DGKB: variants seen among roughly 807,000 people sequenced by gnomAD.
The protein encoded by DGKB is diacylglycerol kinase beta.
Under a neutral mutation model 114.3 loss-of-function variants are expected in DGKB, and 67 were observed. The observed-to-expected ratio is 0.59, with a 90% CI of 0.48 to 0.72. The LOEUF is 0.72. Ranked by LOEUF, DGKB falls within the 30% of genes least tolerant of loss-of-function variation. DGKB has a pLI of 0.00. For missense variants in DGKB, 907 were observed against 975.2 expected (o/e 0.93, Z 0.93); for synonymous variants, 398 against 323.1 (o/e 1.23, Z -2.49).
chr7:14,199,247 G>C (rs532049277), intron 23 of DGKB, among the ~76,000 whole-genome samples: 1 of 152,042 alleles, frequency 6.6e-6, no homozygotes, highest in Admixed American at 6.6e-5. Flanking sequence ...GAAAAATATT[G>C]GAAGTGAAGT....
At chr7:14,416,587 C>T (rs575482855) in intron 21 of DGKB, among the ~76,000 whole-genome samples, 1 of 152,014 alleles carries the variant, frequency 6.6e-6, no homozygotes, top group East Asian at 1.9e-4. Flanking sequence ...GTGGTTTCCC[C>T]CATACTGTTC....
chr7:14,313,999 G>A (rs1031765962), intron 23 of DGKB, among the ~76,000 whole-genome samples: 6 of 152,266 alleles, frequency 3.9e-5, no homozygotes, highest in African/African-American at 4.8e-5. Flanking sequence ...GTTTAACTGC[G>A]AGGCACCCTC....
intron 21 of DGKB, among the ~76,000 whole-genome samples, chr7:14,377,475 T>A (rs770290726): frequency 6.6e-6 from 1 of 152,258 alleles, no homozygotes; most frequent in Non-Finnish European, 1.5e-5. Flanking sequence ...ATTTAAAGTA[T>A]GGACTTTCTT....
upstream of DGKB, among the ~76,000 whole-genome samples, chr7:14,907,916 A>T (rs559794966): frequency 4.6e-5 from 7 of 152,344 alleles, no homozygotes; most frequent in African/African-American, 1.7e-4. Context: ...AGCTGGACAC[A>T]TAATTAAGGA....
chr7:14,892,860 A>ATG (rs374264568), intron 1 of DGKB, among the ~76,000 whole-genome samples: 13,455 of 64,150 alleles, frequency 0.21, 821 homozygotes, highest in Middle Eastern at 0.34. Flanking sequence ...TACCATATAT[A>ATG]TATATGTGTG....
At chr7:14,587,064 C>T (rs1800894377) in intron 17 of DGKB, among the ~76,000 whole-genome samples, 3 of 152,084 alleles carry the variant, frequency 2.0e-5, no homozygotes, top group Admixed American at 2.0e-4. Context: ...GTGCCACAGA[C>T]AGTGATTCAT....
At chr7:14,648,562 A>C (rs1436933375) in intron 13 of DGKB, among the ~76,000 whole-genome samples, 3 of 152,178 alleles carry the variant, frequency 2.0e-5, no homozygotes, top group African/African-American at 7.2e-5. Context: ...GAACAGGAAA[A>C]CTGGAAACTC....
At chr7:14,498,627 A>AT (rs892017743) in intron 20 of DGKB, among the ~76,000 whole-genome samples, 3 of 151,640 alleles carry the variant, frequency 2.0e-5, no homozygotes, top group Admixed American at 6.6e-5. Context: ...AATTTAGTTG[A>AT]TTTTTTTGCC....
intron 10 of DGKB, among the ~76,000 whole-genome samples, chr7:14,683,141 T>C (rs1350642862): frequency 2.0e-5 from 3 of 152,106 alleles, no homozygotes; most frequent in Non-Finnish European, 4.4e-5. Flanking sequence ...ATGACAAAAA[T>C]ATTAAAGACA....
At chr7:14,899,754 A>G (rs982838587) in intron 1 of DGKB, among the ~76,000 whole-genome samples, 5 of 152,082 alleles carry the variant, frequency 3.3e-5, no homozygotes. Context: ...GGTGGATCCA[A>G]TTTTGGGTAT....
At position 14,841,226 on chromosome 7, in the gene DGKB, G is replaced by C; in HGVS notation, c.38C>G (p.Ser13Trp). ...NQEKWAHLSP[S>W]EFSQLQKYAE... Reference sequence around the variant, plus strand: ...ATATTTCTGAAGTTGGGAAAATTCCGAAGGGCTGAGGTGGGCCCATTTTTC... The same window carrying C: ...ATATTTCTGAAGTTGGGAAAATTCCCAAGGGCTGAGGTGGGCCCATTTTTC... The change falls in exon 2 of 26, where the codon TCG (serine) becomes TGG (tryptophan). Residue 13 changes from serine to tryptophan, a missense_variant. Around this residue, in one of 3 missense-constraint regions of DGKB, gnomAD observed 814 missense variants for 856.6 expected, o/e 0.95. Coordinates refer to ENST00000402815, the MANE Select transcript of DGKB (RefSeq NM_001350709.2). The C allele has an allele frequency of 1.2e-6, 2 of 1,613,426 alleles. No homozygotes were observed. Among genetic ancestry groups the C allele is most frequent in the Non-Finnish European group, 1.7e-6 (2 of 1,179,678 alleles).
At position 14,800,644 on chromosome 7, in the gene DGKB, T is replaced by C. The variant is rs557714216; in HGVS notation, c.70+40550A>G. Reference sequence around the variant, plus strand: ...CTTAGTAAACTCACCTTTTTATATATGCTATGCTTGTCTAGAGGTTTGGTT... The same window carrying C: ...CTTAGTAAACTCACCTTTTTATATACGCTATGCTTGTCTAGAGGTTTGGTT... On this transcript the variant is annotated intron_variant, in intron 2 of 25. Transcript: ENST00000402815. Among the ~76,000 whole-genome samples, 3 of 152,296 alleles carry C rather than the reference T, an allele frequency of 2.0e-5. No homozygotes were observed. The South Asian group carries it at 6.2e-4, about 32-fold the overall frequency.
At chr7:14,646,573 G>A (rs1196829564) in intron 13 of DGKB, among the ~76,000 whole-genome samples, 1 of 152,108 alleles carries the variant, frequency 6.6e-6, no homozygotes, top group African/African-American at 2.4e-5. Flanking sequence ...CATTTGCAAG[G>A]ATAGACTGTA....
chr7:14,912,519 C>T (rs1453462687), intron 1 of DGKB, among the ~76,000 whole-genome samples: 1 of 152,024 alleles, frequency 6.6e-6, no homozygotes, highest in Non-Finnish European at 1.5e-5. Flanking sequence ...ATGAGACAAG[C>T]ACCTGGAGGA....
At chr7:14,591,702 G>A (rs1801732013) in intron 17 of DGKB, among the ~76,000 whole-genome samples, 1 of 151,876 alleles carries the variant, frequency 6.6e-6, no homozygotes, top group Non-Finnish European at 1.5e-5. Flanking sequence ...TAGATCTAAT[G>A]TTAATTGTTC....
intron 16 of DGKB, among the ~76,000 whole-genome samples, chr7:14,608,613 G>A (rs1358055495): frequency 6.6e-6 from 1 of 151,840 alleles, no homozygotes; most frequent in Admixed American, 6.6e-5. Flanking sequence ...AGAAATAAAA[G>A]GTATCCAAAC....
chr7:14,729,714 C>T (rs1586045684), intron 5 of DGKB, among the ~76,000 whole-genome samples: 1 of 152,112 alleles, frequency 6.6e-6, no homozygotes, highest in East Asian at 1.9e-4. Context: ...CTCCTGTAGG[C>T]ACCTCACTCT....
chr7:14,441,085 T>C (rs1366703799), intron 21 of DGKB, among the ~76,000 whole-genome samples: 1 of 152,064 alleles, frequency 6.6e-6, no homozygotes, highest in East Asian at 1.9e-4. Flanking sequence ...GGCATGATCC[T>C]GCAACCTCCA....
chr7:14,519,284 A>C (rs529775936), intron 20 of DGKB, among the ~76,000 whole-genome samples: 1 of 152,100 alleles, frequency 6.6e-6, no homozygotes, highest in South Asian at 2.1e-4. Context: ...GCAACCTCTG[A>C]TATAAATTTT....
Sources: gnomAD v4.1 joint callset for allele counts (sites outside exome capture counted in the v4.1 genomes callset) on GRCh38, gnomAD v4.1.1 for gene constraint, gnomAD v4.1.1 regional missense constraint, MANE v1.5 for transcripts, NCBI Gene and HGNC (gene_info 2026-07-23, HGNC 2026-07-21) for gene names.